Variants in ACOT12 observed in about 807,000 individuals in gnomAD.
The protein encoded by ACOT12 is acetyl-coenzyme A thioesterase.
Under a neutral mutation model 67.7 loss-of-function variants are expected in ACOT12, and 51 were observed. The ratio of observed to expected loss-of-function variants is 0.75; its 90% CI spans 0.60 to 0.95. The LOEUF (loss-of-function observed/expected upper bound fraction) is 0.95, where lower values mean the gene tolerates loss of function less well. Ranked by LOEUF, ACOT12 falls within the 40% of genes least tolerant of loss-of-function variation. The pLI is 0.00. For synonymous variants in ACOT12, 251 were observed against 244.6 expected (o/e 1.03, Z -0.24); for missense variants, 734 against 708.1 (o/e 1.04, Z -0.41).
chr5:81,309,234 C>A, the ACOT12 span: 1 of 446,376 alleles, frequency 2.2e-6, no homozygotes, highest in African/African-American at 2.0e-5. Flanking sequence ...TAAAACAAAT[C>A]AGAAAAAACT....
At chr5:81,330,979 A>C (rs755531362) in intron 13 of ACOT12, 39 bp from the exon 14 acceptor site, 1 of 1,537,884 alleles carries the variant, frequency 6.5e-7, no homozygotes, top group Non-Finnish European at 8.7e-7. Flanking sequence ...TGAGAAATAA[A>C]GAATAGTTGT....
intron 1 of ACOT12, among the ~76,000 whole-genome samples, chr5:81,388,306 A>G (rs2153860366): frequency 6.6e-6 from 1 of 152,304 alleles, no homozygotes; most frequent in East Asian, 1.9e-4. Flanking sequence ...AAGGAAAAAA[A>G]ATATGGGGAC....
intron 2 of ACOT12, among the ~76,000 whole-genome samples, chr5:81,374,746 T>C (rs1008555318): frequency 6.6e-6 from 1 of 151,860 alleles, no homozygotes; most frequent in East Asian, 1.9e-4. Flanking sequence ...ATATCAGAGA[T>C]TGAAGATCAA....
chr5:81,345,969 A>G lies in ACOT12; in HGVS notation c.689T>C (p.Val230Ala), dbSNP rs746428835. 6.2e-6 allele frequency: 10 copies of G among 1,613,944 alleles called. No individual in the cohort carries two copies. In the African/African-American group the frequency reaches 6.7e-5, roughly 11 times the overall value. ...TGGTCCCCGGAACTTAAACATATCT[A>G]CGGACTTCAGAAAGGGATGAGCCCA... Reference protein sequence around the residue: ...LCWAHPFLKSVDMFKFRGPST... With the variant: ...LCWAHPFLKSADMFKFRGPST... Residue 230 changes from valine to alanine, a missense_variant, in exon 7 of 15, where the codon GTA becomes GCA. By Grantham distance (64) the Val-to-Ala change is moderately conservative. Coordinates refer to ENST00000307624, the MANE Select transcript of ACOT12 (RefSeq NM_130767.3).
rs148589625 is a variant in ACOT12 at position 81,357,775 on chromosome 5, G to A, written c.496+2128C>T. ...AACCCCAGCACTTTGGGAGGCCAAG[G>A]TGGGCGGATCACCTGAGGTCAGGAG... On this transcript the variant is annotated intron_variant, in intron 5 of 14. Coordinates refer to ENST00000307624, the MANE Select transcript of ACOT12 (RefSeq NM_130767.3). 9.0e-3 allele frequency among the ~76,000 whole-genome samples: 1,373 copies of A among 152,248 alleles called. 22 individuals carry two copies. Among genetic ancestry groups the A allele is most frequent in the African/African-American group, 0.031 (1,287 of 41,542 alleles).
intron 1 of ACOT12, among the ~76,000 whole-genome samples, chr5:81,391,995 A>C (rs1258572694): frequency 6.6e-6 from 1 of 152,224 alleles, no homozygotes; most frequent in African/African-American, 2.4e-5. Flanking sequence ...GTTCCAAAAT[A>C]ATACATGGAC....
Position 81,330,294 on chromosome 5 carries a change from T to C in ACOT12, c.*100A>G. The C allele has an allele frequency of 1.0e-5, 14 of 1,363,094 alleles. No homozygotes were observed. The highest frequency in any genetic ancestry group is 1.2e-5 in the Non-Finnish European group (12 of 1,011,714). 84.4% of individuals were successfully genotyped at this position (1,363,094 alleles called of 1,614,324 possible). Reference sequence around the variant, plus strand: ...TCACTGCATTTTGCTTAGGGTTATATTAAATTATTTTGTGGCCCCAAAGCT... The same window carrying C: ...TCACTGCATTTTGCTTAGGGTTATACTAAATTATTTTGTGGCCCCAAAGCT... On this transcript the variant is annotated 3_prime_UTR_variant, in exon 15 of 15. Coordinates refer to ENST00000307624, the MANE Select transcript of ACOT12 (RefSeq NM_130767.3).
chr5:81,387,887 G>C (rs921478535), intron 1 of ACOT12, among the ~76,000 whole-genome samples: 2 of 152,062 alleles, frequency 1.3e-5, no homozygotes, highest in African/African-American at 4.8e-5. Flanking sequence ...CTAAAATGCA[G>C]TAACCAGTAA....
intron 2 of ACOT12, among the ~76,000 whole-genome samples, chr5:81,377,996 A>G (rs1197177457): frequency 1.3e-5 from 2 of 152,232 alleles, no homozygotes; most frequent in Non-Finnish European, 2.9e-5. Flanking sequence ...TTTAAATTTT[A>G]TATGGAACCA....
At chr5:81,348,689 C>T (rs12523386) in intron 5 of ACOT12, among the ~76,000 whole-genome samples, 65 of 152,288 alleles carry the variant, frequency 4.3e-4, no homozygotes, top group Admixed American at 1.1e-3. Context: ...CTCGGCCTCC[C>T]GAGTAGCTGG....
chr5:81,325,845 C>T (rs1174901762), downstream of ACOT12, among the ~76,000 whole-genome samples: 2 of 152,174 alleles, frequency 1.3e-5, no homozygotes, highest in Non-Finnish European at 2.9e-5. Context: ...GTGTCTCACT[C>T]TGTCTCCCAG....
chr5:81,353,419 T>C (rs1223870685), intron 5 of ACOT12, among the ~76,000 whole-genome samples: 3 of 152,240 alleles, frequency 2.0e-5, no homozygotes, highest in African/African-American at 2.4e-5. Context: ...GTACTTTGGA[T>C]GTTCTTAAAG....
At chr5:81,347,311 A>G (rs1255222497) in intron 6 of ACOT12, among the ~76,000 whole-genome samples, 1 of 152,068 alleles carries the variant, frequency 6.6e-6, no homozygotes, top group African/African-American at 2.4e-5. Context: ...GGGTCTTGCT[A>G]TGTTTCCCAA....
the ACOT12 span, chr5:81,311,083 G>T: frequency 1.0e-5 from 9 of 889,666 alleles, no homozygotes; most frequent in Non-Finnish European, 1.7e-5. Context: ...ACCTCCCTAT[G>T]ATCCTGGTCT....
intron 12 of ACOT12, among the ~76,000 whole-genome samples, chr5:81,334,329 C>T (rs1274578457): frequency 2.0e-5 from 3 of 152,182 alleles, no homozygotes; most frequent in African/African-American, 4.8e-5. Context: ...AAGAGCGCAT[C>T]GTAACACACA....
chr5:81,309,686 A>G, the ACOT12 span, among the ~76,000 whole-genome samples: 1 of 152,216 alleles, frequency 6.6e-6, no homozygotes, highest in African/African-American at 2.4e-5. Flanking sequence ...GGAGTTGGTC[A>G]GACTTGGGTT....
chr5:81,386,193 A>G (rs1760721000), intron 1 of ACOT12, among the ~76,000 whole-genome samples: 1 of 152,212 alleles, frequency 6.6e-6, no homozygotes, highest in Non-Finnish European at 1.5e-5. Context: ...TCAAAGCATC[A>G]CAGGTGTAGC....
At chr5:81,360,680 A>T (rs13186560) in intron 4 of ACOT12, among the ~76,000 whole-genome samples, 5 of 152,088 alleles carry the variant, frequency 3.3e-5, no homozygotes, top group African/African-American at 1.2e-4. Flanking sequence ...AGGAAGGGTC[A>T]CCTTGAAGCT....
downstream of ACOT12, among the ~76,000 whole-genome samples, chr5:81,326,235 C>T (rs557130233): frequency 2.7e-5 from 4 of 150,856 alleles, no homozygotes; most frequent in South Asian, 8.4e-4. Flanking sequence ...AAGCATTCTC[C>T]TGCCTCAGCC....
Sources: gnomAD v4.1 joint callset for allele counts (sites outside exome capture counted in the v4.1 genomes callset) on GRCh38, gnomAD v4.1.1 for gene constraint, MANE v1.5 for transcripts, NCBI Gene and HGNC (gene_info 2026-07-23, HGNC 2026-07-21) for gene names.